ASCC3: variants seen among roughly 807,000 people sequenced by gnomAD.
ASCC3 encodes ASC-1 complex subunit P200.
A neutral mutation model predicts 256.3 loss-of-function variants in ASCC3; 158 were observed. The observed-to-expected ratio is 0.62, with a 90% CI of 0.54 to 0.70. The LOEUF (loss-of-function observed/expected upper bound fraction) is 0.70. Ranked by LOEUF, ASCC3 falls within the 30% of genes least tolerant of loss-of-function variation. The probability of loss-of-function intolerance (pLI) is 0.00; values close to 1 mark genes in which losing one functional copy is unlikely to be tolerated. For synonymous variants in ASCC3, 948 were observed against 883.4 expected (o/e 1.07, Z -1.30); for missense variants, 2,259 against 2,626.0 (o/e 0.86, Z 3.05).
At chr6:100,852,342 G>A (rs1046258750) in intron 3 of ASCC3, among the ~76,000 whole-genome samples, 3 of 152,074 alleles carry the variant, frequency 2.0e-5, no homozygotes, top group Admixed American at 1.3e-4. Context: ...ACATCAGAAG[G>A]GGGAGATGGA....
intron 30 of ASCC3, among the ~76,000 whole-genome samples, chr6:100,624,291 A>C (rs2114851711): frequency 6.6e-6 from 1 of 151,804 alleles, no homozygotes; most frequent in African/African-American, 2.4e-5. Context: ...AAGCTCTCAC[A>C]CAAATCTACA....
chr6:100,707,266 T>G (rs1778629376), intron 13 of ASCC3, among the ~76,000 whole-genome samples: 1 of 152,136 alleles, frequency 6.6e-6, no homozygotes, highest in African/African-American at 2.4e-5. Flanking sequence ...ATTAAAAATT[T>G]TAAATATAAT....
chr6:100,743,711 T>C (rs1193880398), intron 10 of ASCC3, among the ~76,000 whole-genome samples: 1 of 152,242 alleles, frequency 6.6e-6, no homozygotes, highest in Non-Finnish European at 1.5e-5. Flanking sequence ...TTATGAAGGT[T>C]TAATGAAAAC....
chr6:100,798,626 T>G, intron 8 of ASCC3, 87 bp downstream of exon 8: 1 of 1,594,892 alleles, frequency 6.3e-7, no homozygotes, highest in Non-Finnish European at 8.5e-7. Context: ...CAACTAATAA[T>G]GTTTTAAAAC....
intron 13 of ASCC3, 135 bp downstream of exon 13, chr6:100,715,327 A>G: frequency 1.4e-6 from 1 of 711,688 alleles, no homozygotes; most frequent in Non-Finnish European, 2.4e-6. Context: ...GTTATTAAGA[A>G]TTAGAACCTC....
At chr6:100,537,290 A>T (rs958160770) in intron 37 of ASCC3, among the ~76,000 whole-genome samples, 15 of 152,184 alleles carry the variant, frequency 9.9e-5, no homozygotes, top group Non-Finnish European at 2.1e-4. Context: ...AATACCACAA[A>T]CTTAAATGTA....
intron 4 of ASCC3, among the ~76,000 whole-genome samples, chr6:100,833,252 A>G (rs1176583341): frequency 6.6e-6 from 1 of 152,180 alleles, no homozygotes; most frequent in African/African-American, 2.4e-5. Context: ...CTGGAAAAAG[A>G]AAAATATGGT....
chr6:100,574,732 T>C (rs1173419396), intron 36 of ASCC3, among the ~76,000 whole-genome samples: 1 of 151,644 alleles, frequency 6.6e-6, no homozygotes, highest in African/African-American at 2.4e-5. Flanking sequence ...AAATTCCAGA[T>C]AGTATTACAA....
At chr6:100,737,124 G>A (rs1463978980) in intron 10 of ASCC3, among the ~76,000 whole-genome samples, 1 of 148,980 alleles carries the variant, frequency 6.7e-6, no homozygotes, top group East Asian at 2.0e-4. Flanking sequence ...TCCAGCCTGG[G>A]CAACAGAGTG....
chr6:100,859,135 A>T (rs767957979), intron 3 of ASCC3: 8 of 779,900 alleles, frequency 1.0e-5, no homozygotes, highest in Admixed American at 1.7e-5. Context: ...ATCTGTCAGA[A>T]GCTCTGCTCA....
At chr6:100,802,113 T>A (rs1017255589) in intron 5 of ASCC3, among the ~76,000 whole-genome samples, 1 of 151,800 alleles carries the variant, frequency 6.6e-6, no homozygotes, top group African/African-American at 2.4e-5. Context: ...TAGAACATAC[T>A]GGAATCCTGT....
chr6:100,790,793 C>G (rs1034049399), intron 8 of ASCC3, among the ~76,000 whole-genome samples: 1 of 151,826 alleles, frequency 6.6e-6, no homozygotes. Context: ...TACTTTACTC[C>G]TAGTTAGAGG....
intron 33 of ASCC3, among the ~76,000 whole-genome samples, chr6:100,604,057 T>C (rs1336839469): frequency 1.3e-5 from 2 of 152,138 alleles, no homozygotes; most frequent in Non-Finnish European, 2.9e-5. Flanking sequence ...AGCTTCTGGG[T>C]CAGAAGATTT....
chr6:100,815,166 T>C (rs929901414), intron 4 of ASCC3, among the ~76,000 whole-genome samples: 6 of 152,088 alleles, frequency 3.9e-5, no homozygotes, highest in Admixed American at 2.6e-4. Flanking sequence ...ATCCCACTCA[T>C]AATTGTCAGA....
At chr6:100,576,037 C>A (rs1770841376) in intron 36 of ASCC3, among the ~76,000 whole-genome samples, 1 of 152,008 alleles carries the variant, frequency 6.6e-6, no homozygotes, top group South Asian at 2.1e-4. Context: ...TTACTTATAT[C>A]TAATTAGACT....
chr6:100,820,762 T>C (rs1462256099), intron 4 of ASCC3, among the ~76,000 whole-genome samples: 1 of 150,484 alleles, frequency 6.6e-6, no homozygotes, highest in Non-Finnish European at 1.5e-5. Flanking sequence ...GCATCCAAAA[T>C]ATACAATGAA....
Position 100,570,608 on chromosome 6 carries a change from C to T in ASCC3, c.5550+19026G>A, listed in dbSNP as rs1057346662. On this transcript the variant is annotated intron_variant, in intron 36 of 41. Transcript: ENST00000369162. ...TCCTTCTCTCCCCAATGTCTACATG[C>T]TAGCATTCTCAGAGCTCAACCTTTA... Among the ~76,000 whole-genome samples, 3 of 152,062 alleles carry T rather than the reference C, an allele frequency of 2.0e-5. 1 individual carries two copies. The highest frequency in any genetic ancestry group is 1.3e-4 in the Admixed American group (2 of 15,266).
At chr6:100,865,817 T>A (rs1441057798) in intron 2 of ASCC3, among the ~76,000 whole-genome samples, 1 of 152,172 alleles carries the variant, frequency 6.6e-6, no homozygotes, top group Non-Finnish European at 1.5e-5. Context: ...TATGTTCAAT[T>A]GATAGAGCTT....
chr6:100,602,011 A>G (rs1296623553), intron 33 of ASCC3, 76 bp from the exon 34 acceptor site: 2 of 1,512,988 alleles, frequency 1.3e-6, no homozygotes, highest in African/African-American at 1.4e-5. Context: ...CACATAGTCA[A>G]GATTCAGATT....
Sources: gnomAD v4.1 joint callset for allele counts (sites outside exome capture counted in the v4.1 genomes callset) on GRCh38, gnomAD v4.1.1 for gene constraint, MANE v1.5 for transcripts, NCBI Gene and HGNC (gene_info 2026-07-23, HGNC 2026-07-21) for gene names.